The following CCDC60 variants were observed in gnomAD, a reference collection of about 807,000 sequenced individuals.
CCDC60 encodes coiled-coil domain containing 60.
Under a neutral mutation model 63.5 loss-of-function variants are expected in CCDC60, and 54 were observed. The ratio of observed to expected loss-of-function variants is 0.85; its 90% confidence interval spans 0.68 to 1.07. The LOEUF (loss-of-function observed/expected upper bound fraction) is 1.07. Ranked by LOEUF, CCDC60 falls within the 50% of genes least tolerant of loss-of-function variation. CCDC60 has a pLI of 0.00. For missense variants in CCDC60, 651 were observed against 684.3 expected, an observed-to-expected ratio of 0.95 and a Z score of 0.54; for synonymous variants, 206 against 238.8, an observed-to-expected ratio of 0.86 and a Z score of 1.27.
intron 13 of CCDC60, 84 bp downstream of exon 13, chr12:119,531,147 T>A: frequency 5.8e-6 from 7 of 1,211,564 alleles, no homozygotes; most frequent in Middle Eastern, 2.7e-4. Context: ...GTTTAAGTGC[T>A]GGGGACACAA....
At chr12:119,536,338 A>G (rs537283952) in intron 13 of CCDC60, among the ~76,000 whole-genome samples, 1 of 152,318 alleles carries the variant, frequency 6.6e-6, no homozygotes, top group South Asian at 2.1e-4. Context: ...TACTGAATAC[A>G]GCATAGTGAT....
intron 1 of CCDC60, among the ~76,000 whole-genome samples, chr12:119,360,204 G>T: frequency 6.6e-6 from 1 of 150,978 alleles, no homozygotes; most frequent in East Asian, 2.0e-4. Context: ...GCGGCTGGCT[G>T]GGCAGAGGGG....
intron 1 of CCDC60, among the ~76,000 whole-genome samples, chr12:119,350,170 ATTATTTATTTATTTAT>A (rs10534165): frequency 2.3e-4 from 33 of 144,824 alleles, no homozygotes; most frequent in Admixed American, 4.8e-4. Flanking sequence ...TCTTTGCTTT[ATTATTTATTTATTTAT>A]TTATTTATTT....
intron 7 of CCDC60, among the ~76,000 whole-genome samples, chr12:119,507,614 A>ATTT (rs1184630442): frequency 0.065 from 3,286 of 50,394 alleles, 607 homozygotes; most frequent in Non-Finnish European, 0.091. Flanking sequence ...ATATATATAT[A>ATTT]TTTTTTTTTT....
intron 1 of CCDC60, among the ~76,000 whole-genome samples, chr12:119,360,611 A>G (rs936762924): frequency 1.6e-4 from 24 of 150,514 alleles, no homozygotes; most frequent in Non-Finnish European, 2.4e-4. Flanking sequence ...CACATCCCAA[A>G]CAGGGCGGCG....
intron 2 of CCDC60, among the ~76,000 whole-genome samples, chr12:119,459,390 GA>G (rs974662065): frequency 2.0e-5 from 3 of 152,180 alleles, no homozygotes; most frequent in Non-Finnish European, 4.4e-5. Flanking sequence ...GACAATAAAA[GA>G]AATTTGACCT....
At chr12:119,437,309 T>G (rs1441969780) in intron 2 of CCDC60, among the ~76,000 whole-genome samples, 1 of 152,184 alleles carries the variant, frequency 6.6e-6, no homozygotes. Context: ...TTCTCTCTCC[T>G]GTGCCCAGGG....
intron 7 of CCDC60, among the ~76,000 whole-genome samples, chr12:119,508,968 G>A (rs956400031): frequency 2.0e-5 from 3 of 152,086 alleles, no homozygotes; most frequent in Non-Finnish European, 4.4e-5. Context: ...GGCGCTGGTG[G>A]CAGAAGGGAG....
At chr12:119,453,561 A>C (rs1299059326) in intron 2 of CCDC60, among the ~76,000 whole-genome samples, 1 of 152,178 alleles carries the variant, frequency 6.6e-6, no homozygotes, top group Non-Finnish European at 1.5e-5. Context: ...TCATAAGGCA[A>C]TTTACTAAAT....
intron 1 of CCDC60, among the ~76,000 whole-genome samples, chr12:119,403,904 TA>T (rs1446139426): frequency 2.0e-5 from 3 of 152,248 alleles, no homozygotes; most frequent in Non-Finnish European, 4.4e-5. Flanking sequence ...GATGTATGTA[TA>T]CATTGTGGGA....
intron 7 of CCDC60, 141 bp downstream of exon 7, chr12:119,505,444 A>T: frequency 1.6e-6 from 1 of 618,066 alleles, no homozygotes; most frequent in Non-Finnish European, 2.8e-6. Flanking sequence ...ATTTCCTTGG[A>T]CCTCTTTGTT....
chr12:119,539,732 GA>G (rs1266273276), intron 13 of CCDC60, among the ~76,000 whole-genome samples: 7 of 152,160 alleles, frequency 4.6e-5, no homozygotes, highest in Non-Finnish European at 1.0e-4. Context: ...AGGGGTATAA[GA>G]AAAAAACTCC....
chr12:119,397,756 G>A (rs1282707620), intron 1 of CCDC60, among the ~76,000 whole-genome samples: 5 of 58,418 alleles, frequency 8.6e-5, no homozygotes, highest in East Asian at 5.5e-4. Context: ...CGGGTACCAC[G>A]GAGCAGGGGG....
rs879927422 is a variant in CCDC60 at position 119,464,309 on chromosome 12, C to A, written c.171-7685C>A. Among the ~76,000 whole-genome samples, 37 of 97,396 alleles carry A rather than the reference C, an allele frequency of 3.8e-4. 3 individuals are homozygous for A. The highest frequency in any genetic ancestry group is 6.6e-4 in the Non-Finnish European group (32 of 48,144). 63.9% of individuals were successfully genotyped at this position (97,396 alleles called of 152,430 possible). ...TTGGGTTGCAAGAGCAACCCCCCCC[C>A]CACTCTTCCTTACTTCCTCTTTCCT... On this transcript the variant is annotated intron_variant, in intron 2 of 13. Transcript: ENST00000327554.
At chr12:119,527,765 C>T (rs557003500) in intron 11 of CCDC60, among the ~76,000 whole-genome samples, 192 of 150,220 alleles carry the variant, frequency 1.3e-3, no homozygotes, top group African/African-American at 4.6e-3. Flanking sequence ...CAAGCTCCGC[C>T]TCCTGGGTTC....
intron 1 of CCDC60, among the ~76,000 whole-genome samples, chr12:119,397,734 G>A (rs56686166): frequency 0.21 from 19,159 of 90,508 alleles, 2,381 homozygotes; most frequent in South Asian, 0.33. Context: ...GCCCTTGGGC[G>A]GTCAATGGGA....
Position 119,479,143 on chromosome 12 carries a change from C to A in CCDC60, c.391C>A (p.Arg131Ser). 1 of 1,614,048 alleles carries A rather than the reference C, an allele frequency of 6.2e-7. No individual in the cohort carries two copies. Among genetic ancestry groups the A allele is most frequent in the South Asian group, 1.1e-5 (1 of 91,076 alleles). ...GACACTGGGAGCTAGAGTCACACGT[C>A]GCCCATTCACTCCCATCCACAGCTG... ...LKTLGARVTR[R>S]PFTPIHSCII... is the part of the protein sequence containing the mutation. The change falls in exon 4 of 14, where the codon CGC becomes AGC. Residue 131 changes from arginine (R) to serine (S), a missense_variant. Coordinates refer to ENST00000327554, the MANE Select transcript of CCDC60 (RefSeq NM_178499.5).
intron 1 of CCDC60, among the ~76,000 whole-genome samples, chr12:119,367,008 T>A (rs1955847241): frequency 6.6e-6 from 1 of 152,168 alleles, no homozygotes; most frequent in South Asian, 2.1e-4. Flanking sequence ...AATTTTTGTA[T>A]TTTTAATACA....
In CCDC60 at chr12:119,426,092, C is replaced by T. The variant is rs115855134; in HGVS notation, c.91-2591C>T. On this transcript the variant is annotated intron_variant, in intron 1 of 13. Transcript: ENST00000327554. ...GCCTCATCAGAGGGTGGTCTCTCCA[C>T]CCGCTTCACCCATCCCTCAAGATGA... is the stretch of plus-strand genomic sequence containing the variant. 1.0e-3 allele frequency among the ~76,000 whole-genome samples: 156 copies of T among 152,294 alleles called. 1 individual carries two copies. The highest frequency in any genetic ancestry group is 3.7e-3 in the African/African-American group (152 of 41,560).
Sources: gnomAD v4.1 joint callset for allele counts (sites outside exome capture counted in the v4.1 genomes callset) on GRCh38, gnomAD v4.1.1 for gene constraint, MANE v1.5 for transcripts, NCBI Gene and HGNC (gene_info 2026-07-23, HGNC 2026-07-21) for gene names.